BTG3: variants seen among roughly 807,000 people sequenced by gnomAD.
BTG3 encodes protein BTG3.
Under a neutral mutation model 25.8 loss-of-function variants are expected in BTG3, and 4 were observed. The observed-to-expected ratio is 0.16, with a 90% CI of 0.08 to 0.36. The LOEUF (loss-of-function observed/expected upper bound fraction) is 0.36. BTG3 is among the 10% of genes least tolerant of loss of function. The probability of loss-of-function intolerance (pLI) is 1.00; values close to 1 mark genes in which losing one functional copy is unlikely to be tolerated. For synonymous variants in BTG3, 107 were observed against 99.9 expected, an observed-to-expected ratio of 1.07 and a Z score of -0.42; for missense variants, 201 against 304.9, an observed-to-expected ratio of 0.66 and a Z score of 2.54.
intron 2 of BTG3, among the ~76,000 whole-genome samples, chr21:17,607,484 C>G (rs908784019): frequency 1.3e-5 from 2 of 152,176 alleles, no homozygotes; most frequent in Admixed American, 1.3e-4. Context: ...TTCCAATTTA[C>G]TGGAAACCTC....
intron 1 of BTG3, among the ~76,000 whole-genome samples, chr21:17,609,628 C>T (rs1474201573): frequency 6.6e-6 from 1 of 152,210 alleles, no homozygotes; most frequent in East Asian, 1.9e-4. Context: ...AAAGGTTAAA[C>T]ACAGAGTTAT....
At chr21:17,607,824 C>A (rs2061664400) in intron 2 of BTG3, among the ~76,000 whole-genome samples, 1 of 152,218 alleles carries the variant, frequency 6.6e-6, no homozygotes, top group Non-Finnish European at 1.5e-5. Flanking sequence ...TGTTTGGCAG[C>A]TGAGTTTAGC....
chr21:17,603,939 G>C (rs972420948), intron 3 of BTG3, among the ~76,000 whole-genome samples: 2 of 152,130 alleles, frequency 1.3e-5, no homozygotes, highest in African/African-American at 4.8e-5. Flanking sequence ...ATTTCAAACT[G>C]AATTACCTAA....
intron 2 of BTG3, among the ~76,000 whole-genome samples, chr21:17,606,783 G>A (rs533436752): frequency 7.6e-4 from 115 of 152,136 alleles, no homozygotes; most frequent in African/African-American, 2.6e-3. Flanking sequence ...AATGTTGACA[G>A]TTTAGTTCTT....
chr21:17,606,725 CA>C lies in BTG3; in HGVS notation c.174-1729del, dbSNP rs527662889. 3.2e-4 allele frequency among the ~76,000 whole-genome samples: 49 copies of C among 152,114 alleles called. 1 individual carries two copies. The South Asian group carries it at 6.4e-3, about 20-fold the overall frequency. On this transcript the variant is annotated intron_variant, in intron 2 of 4. Transcript: ENST00000348354. ...TACTACTTATCCATTAACTACTCTTCAAAAACAAAATTTTAAAAGTTGCATA... is the reference window on the plus strand; with the variant it reads ...TACTACTTATCCATTAACTACTCTTCAAAACAAAATTTTAAAAGTTGCATA...
intron 2 of BTG3, among the ~76,000 whole-genome samples, chr21:17,607,737 AAG>A (rs1360375835): frequency 6.6e-6 from 1 of 152,238 alleles, no homozygotes; most frequent in Admixed American, 6.5e-5. Flanking sequence ...ACACAAATAA[AAG>A]AGTATTTCTG....
At chr21:17,596,862 G>A (rs1187383230) in intron 4 of BTG3, among the ~76,000 whole-genome samples, 2 of 152,010 alleles carry the variant, frequency 1.3e-5, no homozygotes, top group Admixed American at 6.6e-5. Context: ...CGTTTTTTAA[G>A]ATATGAATAA....
chr21:17,597,747 A>C (rs1405665922), intron 4 of BTG3, among the ~76,000 whole-genome samples: 1 of 152,086 alleles, frequency 6.6e-6, no homozygotes, highest in Non-Finnish European at 1.5e-5. Flanking sequence ...GAGAAAACCA[A>C]AAATTAAGTT....
At chr21:17,612,242 C>T (rs1295278216) in intron 1 of BTG3, 1 of 152,266 alleles carries the variant, frequency 6.6e-6, no homozygotes, top group African/African-American at 2.4e-5. Context: ...CCAGGGTGCG[C>T]CTGCCCCGCG....
At chr21:17,594,880 G>T (rs2061484492) in intron 4 of BTG3, among the ~76,000 whole-genome samples, 1 of 151,844 alleles carries the variant, frequency 6.6e-6, no homozygotes, top group East Asian at 1.9e-4. Flanking sequence ...GAGCAGAAAA[G>T]ATAACTATTG....
chr21:17,600,897 C>T (rs112328021), intron 3 of BTG3, among the ~76,000 whole-genome samples: 4 of 152,148 alleles, frequency 2.6e-5, no homozygotes, highest in Admixed American at 6.5e-5. Context: ...GGCGCGGTGG[C>T]TCATGCCTGT....
rs762983299 is a variant in BTG3 at position 17,594,331 on chromosome 21, A to C, written c.521T>G (p.Ile174Ser). The change falls in exon 5 of 5, where the codon ATT becomes AGT. Residue 174 changes from isoleucine to serine, a missense_variant and splice_region_variant. Coordinates refer to ENST00000348354, the MANE Select transcript of BTG3 (RefSeq NM_006806.5). ...AAGAGGTGGAAATATAAGTTCTGAA[A>C]TCTGTAGGGAAGAGAACACATTAAG... The part of the protein sequence containing the change: ...VTAAASPVYQ[I>S]SELIFPPLPM... The C allele has an allele frequency of 1.2e-6, 2 of 1,612,490 alleles. No individual in the cohort carries two copies. Among genetic ancestry groups the C allele is most frequent in the East Asian group, 2.2e-5 (1 of 44,860 alleles).
intron 2 of BTG3, chr21:17,608,762 G>A (rs1012301776): frequency 4.4e-6 from 2 of 454,080 alleles, no homozygotes; most frequent in African/African-American, 4.0e-5. Context: ...CCATAGCATT[G>A]GCCTCCTGTG....
intron 3 of BTG3, chr21:17,604,184 C>T: frequency 8.0e-7 from 1 of 1,254,500 alleles, no homozygotes; most frequent in Non-Finnish European, 1.0e-6. Flanking sequence ...TGGCTCACGC[C>T]TGTAATCCAG....
intron 1 of BTG3, among the ~76,000 whole-genome samples, chr21:17,610,219 G>C (rs1329359019): frequency 6.6e-6 from 1 of 152,148 alleles, no homozygotes; most frequent in African/African-American, 2.4e-5. Flanking sequence ...TACTTTTTGA[G>C]GTGATAAAAA....
chr21:17,603,725 G>C (rs753571168), intron 3 of BTG3, among the ~76,000 whole-genome samples: 3 of 152,134 alleles, frequency 2.0e-5, no homozygotes, highest in Non-Finnish European at 4.4e-5. Flanking sequence ...TCTTCTTCCT[G>C]CTAGTTAGAA....
chr21:17,605,288 T>A (rs758675382), intron 2 of BTG3, among the ~76,000 whole-genome samples: 4 of 152,142 alleles, frequency 2.6e-5, no homozygotes, highest in Non-Finnish European at 5.9e-5. Flanking sequence ...GCACGGAGTA[T>A]GAAAGTTGCA....
At chr21:17,612,231 G>A (rs542221738) in intron 1 of BTG3, 1 of 152,230 alleles carries the variant, frequency 6.6e-6, no homozygotes, top group African/African-American at 2.4e-5. Context: ...CAACATCCTC[G>A]CCAGGGTGCG....
chr21:17,602,119 A>G (rs997386075), intron 3 of BTG3, among the ~76,000 whole-genome samples: 8 of 152,186 alleles, frequency 5.3e-5, no homozygotes, highest in Non-Finnish European at 8.8e-5. Context: ...AATAGTATTT[A>G]ACACTCTATT....
Sources: gnomAD v4.1 joint callset for allele counts (sites outside exome capture counted in the v4.1 genomes callset) on GRCh38, gnomAD v4.1.1 for gene constraint, MANE v1.5 for transcripts, NCBI Gene and HGNC (gene_info 2026-07-23, HGNC 2026-07-21) for gene names.